TTF2: variants seen among roughly 807,000 people sequenced by gnomAD.
TTF2 encodes RNA polymerase II termination factor.
A neutral mutation model predicts 142.4 loss-of-function variants in TTF2; 108 were observed. The ratio of observed to expected loss-of-function variants is 0.76; its 90% CI spans 0.65 to 0.89. The LOEUF (loss-of-function observed/expected upper bound fraction) is 0.89, where lower values mean the gene tolerates loss of function less well. Ranked by LOEUF, TTF2 falls within the 40% of genes least tolerant of loss-of-function variation. The pLI, the probability that TTF2 is intolerant of heterozygous loss-of-function variation, is 0.00. For missense variants in TTF2, 1,327 were observed against 1,379.8 expected, an observed-to-expected ratio of 0.96 and a Z score of 0.61; for synonymous variants, 483 against 506.2, an observed-to-expected ratio of 0.95 and a Z score of 0.61.
intron 9 of TTF2, among the ~76,000 whole-genome samples, chr1:117,081,135 C>A (rs796277715): frequency 6.6e-6 from 1 of 152,212 alleles, no homozygotes; most frequent in Non-Finnish European, 1.5e-5. Flanking sequence ...GGATAGCAGG[C>A]AGGCCTATGG....
intron 3 of TTF2, among the ~76,000 whole-genome samples, chr1:117,065,056 G>A (rs1261924892): frequency 1.3e-5 from 2 of 152,130 alleles, no homozygotes; most frequent in Non-Finnish European, 2.9e-5. Context: ...TTCTGGGGTT[G>A]CTAATCTGTT....
intron 22 of TTF2, 89 bp downstream of exon 22, chr1:117,098,996 A>G (rs766699874): frequency 9.0e-5 from 118 of 1,312,856 alleles, no homozygotes; most frequent in Non-Finnish European, 1.1e-4. Context: ...CATAGAATTT[A>G]AAGTATTTGG....
intron 3 of TTF2, among the ~76,000 whole-genome samples, chr1:117,067,595 C>T (rs1225004117): frequency 6.9e-6 from 1 of 144,090 alleles, no homozygotes; most frequent in East Asian, 2.0e-4. Flanking sequence ...TAACACACAA[C>T]ACATTAAAAA....
Position 117,074,730 on chromosome 1 carries a change from C to T in TTF2, c.286-140C>T, listed in dbSNP as rs1029308669. 48 of 749,468 alleles carry T rather than the reference C, an allele frequency of 6.4e-5. No homozygotes were observed. In the South Asian group the frequency reaches 1.1e-3, roughly 17 times the overall value. 46.4% of individuals were successfully genotyped at this position (749,468 alleles called of 1,614,324 possible). ...ATCTATTGGGCACTATGCTCACTGC[C>T]TGAGTGCAATATACTCATATAACAA... On this transcript the variant is annotated intron_variant, in intron 4 of 22. Transcript: ENST00000369466.
Position 117,101,697 on chromosome 1 carries a change from T to A in TTF2, c.*173T>A. On this transcript the variant is annotated 3_prime_UTR_variant, in exon 23 of 23. Transcript: ENST00000369466. This position sits in a 1 kb window ranked among gnomAD's most constrained non-coding sequence, Gnocchi z 5.9. ...CTTATCCCCAGAATTGAGGAGGGGTTGTGTTAACCAATTAGTTAACCAATT... is the reference window on the plus strand; with the variant it reads ...CTTATCCCCAGAATTGAGGAGGGGTAGTGTTAACCAATTAGTTAACCAATT... 2 of 599,642 alleles carry A rather than the reference T, an allele frequency of 3.3e-6. No homozygotes were observed. The highest frequency in any genetic ancestry group is 5.2e-6 in the Non-Finnish European group (2 of 384,988). The allele number at this position is 599,642 out of a possible 1,614,324, so 37.1% of individuals were successfully genotyped here.
chr1:117,087,452 C>T lies in TTF2; in HGVS notation c.2160+930C>T, dbSNP rs773860882. On this transcript the variant is annotated intron_variant, in intron 12 of 22. Coordinates refer to ENST00000369466, the MANE Select transcript of TTF2 (RefSeq NM_003594.4). This position sits in a 1 kb window ranked among gnomAD's most constrained non-coding sequence, Gnocchi z 4.8. ...GATAACAGGTGCCCGCCACTATGCT[C>T]GGCTAATTTTTTGTATTTTTAGTAG... Among the ~76,000 whole-genome samples the T allele has an allele frequency of 2.6e-5, 4 of 152,100 alleles. No individual in the cohort carries two copies. Among genetic ancestry groups the T allele is most frequent in the Admixed American group, 6.5e-5 (1 of 15,272 alleles).
Position 117,095,358 on chromosome 1 carries a change from C to A in TTF2, c.3026C>A (p.Ser1009Tyr). 6.2e-7 allele frequency: 1 copy of A among 1,614,078 alleles called. No individual in the cohort carries two copies. Among genetic ancestry groups the A allele is most frequent in the South Asian group, 1.1e-5 (1 of 91,078 alleles). ...GAGGCAATTCAAAGAAATTCAGCAT[C>A]CCAAAAGAGGTAACTGCGTTTTCTC... Reference protein sequence around the residue: ...ELEAIQRNSASQKSVIVSQWT... With the variant: ...ELEAIQRNSAYQKSVIVSQWT... The change falls in exon 19 of 23, where the codon TCC becomes TAC. Residue 1009 changes from serine to tyrosine, a missense_variant. Physicochemically the swap from Ser to Tyr is moderately radical, Grantham distance 144. Coordinates refer to ENST00000369466, the MANE Select transcript of TTF2 (RefSeq NM_003594.4).
intron 3 of TTF2, among the ~76,000 whole-genome samples, chr1:117,068,310 C>T (rs763261379): frequency 2.6e-5 from 4 of 152,128 alleles, no homozygotes; most frequent in South Asian, 2.1e-4. Context: ...AACCAAACAC[C>T]GCATGTTCTT....
At chr1:117,095,435 G>C in intron 19 of TTF2, 68 bp downstream of exon 19, 1 of 1,467,526 alleles carries the variant, frequency 6.8e-7, no homozygotes, top group Non-Finnish European at 9.5e-7. Context: ...ATTGCCAAGA[G>C]TTATAAATCA....
Position 117,101,765 on chromosome 1 carries a change from T to A in TTF2, c.*241T>A, listed in dbSNP as rs1570895009. ...AATGAGTGGTATGGAAACCAATTGA[T>A]TTTTTTAGATAAAAGAATATGTTTT... On this transcript the variant is annotated 3_prime_UTR_variant, in exon 23 of 23. Coordinates refer to ENST00000369466, the MANE Select transcript of TTF2 (RefSeq NM_003594.4). The surrounding 1 kb of genome is among the most constrained non-coding windows in gnomAD (Gnocchi z 5.9). The A allele has an allele frequency of 5.6e-6, 2 of 355,944 alleles. No individual in the cohort carries two copies. The highest frequency in any genetic ancestry group is 9.2e-5 in the Admixed American group (2 of 21,792). 22.0% of individuals were successfully genotyped at this position (355,944 alleles called of 1,614,324 possible).
chr1:117,095,494 T>C, intron 19 of TTF2, 127 bp downstream of exon 19: 1 of 763,968 alleles, frequency 1.3e-6, no homozygotes, highest in Admixed American at 2.5e-5. Flanking sequence ...ATAGCACACA[T>C]TCCCTGTGAT....
chr1:117,060,642 A>G, intron 2 of TTF2, 85 bp downstream of exon 2: 1 of 1,357,038 alleles, frequency 7.4e-7, no homozygotes, highest in Non-Finnish European at 9.9e-7. Flanking sequence ...CGGGCGTCAC[A>G]GGGCCGAGGA....
chr1:117,075,873 C>A lies in TTF2; in HGVS notation c.1275+14C>A, dbSNP rs757261179. 6.3e-7 allele frequency: 1 copy of A among 1,587,500 alleles called. No individual in the cohort carries two copies. Among genetic ancestry groups the A allele is most frequent in the Non-Finnish European group, 8.6e-7 (1 of 1,169,290 alleles). On this transcript the variant is annotated intron_variant, in intron 5 of 22. Transcript: ENST00000369466. This position sits in a 1 kb window ranked among gnomAD's most constrained non-coding sequence, Gnocchi z 4.5. The stretch of plus-strand genomic sequence containing the variant: ...AAACAAAAGAAGGTAACTATTGACT[C>A]GTGTTTTGTTTCTGAGGTCAGAGCA...
In TTF2 at chr1:117,091,353, A is replaced by G; in HGVS notation, c.2614A>G (p.Arg872Gly). 6.2e-7 allele frequency: 1 copy of G among 1,613,364 alleles called. No homozygotes were observed. The highest frequency in any genetic ancestry group is 8.5e-7 in the Non-Finnish European group (1 of 1,179,868). Residue 872 changes from arginine (R) to glycine (G), a missense_variant, in exon 16 of 23, where the codon AGA (arginine) becomes GGA (glycine). Arg to Gly is a moderately radical substitution (Grantham distance 125). Coordinates refer to ENST00000369466, the MANE Select transcript of TTF2 (RefSeq NM_003594.4). The stretch of plus-strand genomic sequence containing the variant: ...GTCAGCTCTGCAATCCTATCTAAAA[A>G]GACATGAAAGTAGAGGCAACCAATC... ...SRSALQSYLK[R>G]HESRGNQSGR...
chr1:117,062,506 TGC>T, intron 3 of TTF2, 33 bp downstream of exon 3: 1 of 1,547,202 alleles, frequency 6.5e-7, no homozygotes, highest in Non-Finnish European at 8.7e-7. Flanking sequence ...TAAGTGTATT[TGC>T]TTTTTTTTTT....
In TTF2 at chr1:117,101,971, AT is replaced by A. The variant is rs1339136983; in HGVS notation, c.*448del. On this transcript the variant is annotated 3_prime_UTR_variant, in exon 23 of 23. Coordinates refer to ENST00000369466, the MANE Select transcript of TTF2 (RefSeq NM_003594.4). This position sits in a 1 kb window ranked among gnomAD's most constrained non-coding sequence, Gnocchi z 5.9. ...AGCCTGGGCAACATAGTAAGACCCC[AT>A]CTCTATGAAGAATAAAAAAATGAGC... 1 of 152,918 alleles carries A rather than the reference AT, an allele frequency of 6.5e-6. No individual in the cohort carries two copies. The highest frequency in any genetic ancestry group is 2.4e-5 in the African/African-American group (1 of 41,434). 9.5% of individuals were successfully genotyped at this position (152,918 alleles called of 1,614,324 possible). A position where few individuals can be genotyped will look rare whatever the true frequency, so the allele number is the denominator to read the frequency against.
rs1417657650 is a variant in TTF2 at position 117,104,892 on chromosome 1, C to G, written c.*3368C>G. The G allele has an allele frequency of 2.0e-5, 3 of 152,160 alleles. No individual in the cohort carries two copies. Among genetic ancestry groups the G allele is most frequent in the Non-Finnish European group, 4.4e-5 (3 of 68,032 alleles). The allele number at this position is 152,160 out of a possible 1,614,324, so 9.4% of individuals were successfully genotyped here. A position where few individuals can be genotyped will look rare whatever the true frequency, so the allele number is the denominator to read the frequency against. On this transcript the variant is annotated 3_prime_UTR_variant, in exon 23 of 23. Coordinates refer to ENST00000369466, the MANE Select transcript of TTF2 (RefSeq NM_003594.4). ...AGAAGTGGCATTCTGGTATCTGTCT[C>G]AGCCTCATATTCATTTTAGTGTAAA...
chr1:117,088,891 A>G lies in TTF2; in HGVS notation c.2251A>G (p.Ile751Val), dbSNP rs202213435. Residue 751 changes from isoleucine to valine, a missense_variant, in exon 13 of 23, where the codon ATA becomes GTA. Ile to Val is a conservative substitution (Grantham distance 29). Transcript: ENST00000369466. Reference sequence around the variant, plus strand: ...TAAGAATCCCCGAGTGCAGACTTCCATAGCTGTGTGTAAGCTACAAGCCTG... The same window carrying G: ...TAAGAATCCCCGAGTGCAGACTTCCGTAGCTGTGTGTAAGCTACAAGCCTG... ...NVKNPRVQTS[I>V]AVCKLQACAR... 41 of 1,614,102 alleles carry G rather than the reference A, an allele frequency of 2.5e-5. No individual in the cohort carries two copies. Among genetic ancestry groups the G allele is most frequent in the Non-Finnish European group, 3.3e-5 (39 of 1,180,038 alleles).
In TTF2 at chr1:117,075,753, G is replaced by C. The variant is rs781581302; in HGVS notation, c.1169G>C (p.Ser390Thr). The change falls in exon 5 of 23, where the codon AGT (serine) becomes ACT (threonine). Residue 390 changes from serine (S) to threonine (T), a missense_variant. Ser to Thr is a moderately conservative substitution (Grantham distance 58). Coordinates refer to ENST00000369466, the MANE Select transcript of TTF2 (RefSeq NM_003594.4). The surrounding 1 kb of genome is among the most constrained non-coding windows in gnomAD (Gnocchi z 4.5). ...TKENLQFPDR[S>T]VQRKVSPASG... ...GAAAACCTCCAATTCCCTGATCGAA[G>C]TGTGCAAAGAAAGGTGTCTCCTGCC... 7 of 1,614,096 alleles carry C rather than the reference G, an allele frequency of 4.3e-6. No individual in the cohort carries two copies. The highest frequency in any genetic ancestry group is 5.9e-6 in the Non-Finnish European group (7 of 1,180,036).
Sources: gnomAD v4.1 joint callset for allele counts (sites outside exome capture counted in the v4.1 genomes callset) on GRCh38, gnomAD v4.1.1 for gene constraint, Gnocchi (gnomAD v3.1) non-coding constraint, MANE v1.5 for transcripts, NCBI Gene and HGNC (gene_info 2026-07-23, HGNC 2026-07-21) for gene names.